UGT1A3: variants seen among roughly 807,000 people sequenced by gnomAD.
UGT1A3 encodes the protein UDP glucuronosyltransferase family 1 member A3.
UGT1A3 carries 31 observed loss-of-function variants against 41.0 expected under a neutral mutation model. That is an observed-to-expected ratio of 0.76 (90% CI 0.57 to 1.02). UGT1A3 has a LOEUF of 1.02. Among genes scored for constraint, UGT1A3 ranks in the 50% least tolerant of loss-of-function variants. The pLI, the probability that UGT1A3 is intolerant of heterozygous loss-of-function variation, is 0.00. For synonymous variants in UGT1A3, 262 were observed against 257.6 expected (o/e 1.02, Z -0.17); for missense variants, 737 against 671.0 (o/e 1.10, Z -1.09).
chr2:233,732,017 G>A (rs1379016556), intron 1 of UGT1A3, among the ~76,000 whole-genome samples: 2 of 152,178 alleles, frequency 1.3e-5, no homozygotes. Flanking sequence ...GTTTTGATTT[G>A]CATTTCTCTG....
chr2:233,738,593 G>A (rs971554241), intron 1 of UGT1A3, among the ~76,000 whole-genome samples: 1 of 152,204 alleles, frequency 6.6e-6, no homozygotes, highest in Non-Finnish European at 1.5e-5. Context: ...GGTCACTCTT[G>A]CTAAGCTTTA....
chr2:233,749,635 C>T lies in UGT1A3; in HGVS notation c.868-17399C>T, dbSNP rs755546951. ...CATGATTTGGCTCTGTATCCCCCAC[C>T]AAATCTCATCTTGAATTGTAATCCC... is the stretch of plus-strand genomic sequence containing the variant. On this transcript the variant is annotated intron_variant, in intron 1 of 4. Coordinates refer to ENST00000482026, the MANE Select transcript of UGT1A3 (RefSeq NM_019093.4). 1.1e-4 allele frequency among the ~76,000 whole-genome samples: 17 copies of T among 151,816 alleles called. 3 individuals are homozygous for T. Among genetic ancestry groups the T allele is most frequent in the Admixed American group, 3.3e-4 (5 of 15,276 alleles).
intron 1 of UGT1A3, chr2:233,747,090 C>A: frequency 8.0e-7 from 1 of 1,247,360 alleles, no homozygotes; most frequent in East Asian, 2.6e-5. Context: ...GAGGAGAGCA[C>A]TCTATCTTCC....
rs1297199305 is a variant in UGT1A3, at chr2:233,749,242, C to T, written c.868-17792C>T. 1.3e-5 allele frequency among the ~76,000 whole-genome samples: 2 copies of T among 151,678 alleles called. 1 individual carries two copies. Among genetic ancestry groups the T allele is most frequent in the Admixed American group, 1.3e-4 (2 of 15,250 alleles). ...TAAGCTTCATTTTTTAAAATCAAACCACATGATTTTTTTATTGGTGATTTT... is the reference window on the plus strand; with the variant it reads ...TAAGCTTCATTTTTTAAAATCAAACTACATGATTTTTTTATTGGTGATTTT... On this transcript the variant is annotated intron_variant, in intron 1 of 4. Transcript: ENST00000482026.
intron 1 of UGT1A3, chr2:233,743,968 T>G: frequency 7.5e-7 from 1 of 1,327,238 alleles, no homozygotes; most frequent in Non-Finnish European, 1.0e-6. Flanking sequence ...GCGGCAAGGC[T>G]GCCAGCACCC....
chr2:233,751,063 A>G (rs1291377665), intron 1 of UGT1A3, among the ~76,000 whole-genome samples: 4 of 152,012 alleles, frequency 2.6e-5, no homozygotes, highest in East Asian at 1.9e-4. Context: ...ACAGACACTC[A>G]ATGCCAGCCT....
At chr2:233,768,582 C>CTTTTTTTTTTTTT (rs139595073) in intron 4 of UGT1A3, 143 bp downstream of exon 4, 1 of 867,188 alleles carries the variant, frequency 1.2e-6, no homozygotes, top group Non-Finnish European at 1.4e-6. Context: ...TTTATTTCTT[C>CTTTTTTTTTTTTT]TTTTTTTTTT....
At chr2:233,744,714 G>C (rs1253738430) in intron 1 of UGT1A3, among the ~76,000 whole-genome samples, 4 of 151,880 alleles carry the variant, frequency 2.6e-5, no homozygotes, top group Non-Finnish European at 5.9e-5. Context: ...ACACTTGTGA[G>C]AGAATGACGG....
At chr2:233,755,384 G>A in intron 1 of UGT1A3, 2 of 348,148 alleles carry the variant, frequency 5.7e-6, no homozygotes, top group Non-Finnish European at 1.1e-5. Context: ...CGCCCCTTAT[G>A]ACGCAGCCAC....
chr2:233,763,501 T>C (rs1395198282), intron 1 of UGT1A3, among the ~76,000 whole-genome samples: 3 of 152,238 alleles, frequency 2.0e-5, no homozygotes, highest in Non-Finnish European at 4.4e-5. Context: ...CAGTTTACTT[T>C]ATGTTTAGTT....
intron 1 of UGT1A3, chr2:233,743,822 G>A (rs764939970): frequency 2.6e-5 from 36 of 1,367,122 alleles, no homozygotes; most frequent in Admixed American, 3.8e-5. Context: ...GTTTTTGTCG[G>A]GGTGCCACTT....
At chr2:233,731,308 T>G (rs962546362) in intron 1 of UGT1A3, among the ~76,000 whole-genome samples, 3 of 151,716 alleles carry the variant, frequency 2.0e-5, no homozygotes, top group African/African-American at 7.3e-5. Context: ...TATTATACTT[T>G]AAGTTCTAGG....
intron 1 of UGT1A3, among the ~76,000 whole-genome samples, chr2:233,732,442 G>A (rs1257874591): frequency 6.6e-6 from 1 of 152,146 alleles, no homozygotes; most frequent in Non-Finnish European, 1.5e-5. Flanking sequence ...TATGGTTTTA[G>A]GTCTAACATT....
chr2:233,758,419 A>C (rs1696871413), intron 1 of UGT1A3, among the ~76,000 whole-genome samples: 1 of 152,240 alleles, frequency 6.6e-6, no homozygotes, highest in Non-Finnish European at 1.5e-5. Context: ...TATAATCTGC[A>C]AATGAACTCA....
chr2:233,748,637 G>C (rs1693996531), intron 1 of UGT1A3, among the ~76,000 whole-genome samples: 1 of 151,746 alleles, frequency 6.6e-6, no homozygotes, highest in South Asian at 2.1e-4. Flanking sequence ...TGTGATTATA[G>C]AATTACACAC....
intron 1 of UGT1A3, among the ~76,000 whole-genome samples, chr2:233,733,240 C>T (rs912669842): frequency 1.8e-4 from 28 of 152,276 alleles, no homozygotes; most frequent in Admixed American, 1.5e-3. Flanking sequence ...AATATACAAT[C>T]ATGTCATCTG....
intron 1 of UGT1A3, chr2:233,760,528 G>A (rs2125985500): frequency 1.2e-6 from 2 of 1,614,248 alleles, no homozygotes; most frequent in East Asian, 4.5e-5. Context: ...GACGTACCCT[G>A]TGCCATTCCA....
At chr2:233,752,137 C>T (rs1694900584) in intron 1 of UGT1A3, among the ~76,000 whole-genome samples, 1 of 152,200 alleles carries the variant, frequency 6.6e-6, no homozygotes, top group Non-Finnish European at 1.5e-5. Flanking sequence ...CAGAAAGGAT[C>T]ATTCCCTCTT....
intron 1 of UGT1A3, among the ~76,000 whole-genome samples, chr2:233,761,459 C>T (rs974462920): frequency 3.9e-5 from 6 of 152,156 alleles, no homozygotes; most frequent in African/African-American, 1.4e-4. Context: ...TTTGGGGCAC[C>T]CTGCAGAAAA....
Sources: allele counts gnomAD v4.1 joint callset (sites outside exome capture counted in the v4.1 genomes callset), GRCh38; gene constraint gnomAD v4.1.1; transcripts MANE v1.5; gene names NCBI Gene and HGNC (gene_info 2026-07-23, HGNC 2026-07-21).